The following FOXP2 variants were observed in gnomAD, a reference collection of about 807,000 sequenced individuals.
FOXP2 encodes forkhead box protein P2.
FOXP2 carries 12 observed loss-of-function variants against 115.8 expected under a neutral mutation model. The observed-to-expected ratio is 0.10, with a 90% CI of 0.07 to 0.17. The LOEUF is 0.17. Among genes scored for constraint, FOXP2 ranks in the 10% least tolerant of loss-of-function variants. The pLI, the probability that FOXP2 is intolerant of heterozygous loss-of-function variation, is 1.00. For synonymous variants in FOXP2, 328 were observed against 297.7 expected (o/e 1.10, Z -1.05); for missense variants, 629 against 843.5 (o/e 0.75, Z 3.15).
intron 1 of FOXP2, among the ~76,000 whole-genome samples, chr7:114,213,997 A>G (rs938148413): frequency 2.0e-5 from 3 of 152,222 alleles, no homozygotes; most frequent in South Asian, 2.1e-4. Flanking sequence ...AAGTGAGAGC[A>G]TAGGATACTA....
intron 16 of FOXP2, among the ~76,000 whole-genome samples, chr7:114,680,466 C>T (rs1404019910): frequency 6.6e-6 from 1 of 152,098 alleles, no homozygotes; most frequent in Non-Finnish European, 1.5e-5. Flanking sequence ...AAACTGCTAC[C>T]GAAATAGACA....
At chr7:114,522,420 ACAAGCAAGAATCCTTCCT>A in intron 2 of FOXP2, among the ~76,000 whole-genome samples, 1 of 152,160 alleles carries the variant, frequency 6.6e-6, no homozygotes. Flanking sequence ...GTCATTTCCT[ACAAGCAAGAATCCTTCCT>A]TGGTCTTCCA....
intron 3 of FOXP2, among the ~76,000 whole-genome samples, chr7:114,589,949 A>G (rs74646275): frequency 0.015 from 2,313 of 152,140 alleles, 121 homozygotes; most frequent in Admixed American, 0.092. Context: ...TATTGTTTTA[A>G]AAACAGAGAG....
intron 2 of FOXP2, among the ~76,000 whole-genome samples, chr7:114,311,064 A>C (rs1240126722): frequency 6.6e-6 from 1 of 152,116 alleles, no homozygotes; most frequent in Non-Finnish European, 1.5e-5. Flanking sequence ...GAAGTTGCGG[A>C]TCACCAGTTT....
chr7:114,471,049 C>G lies in FOXP2; in HGVS notation c.168+44370C>G, dbSNP rs921838389. Among the ~76,000 whole-genome samples the G allele has an allele frequency of 6.6e-5, 10 of 152,170 alleles. No individual in the cohort carries two copies. The South Asian group carries it at 8.3e-4, about 13-fold the overall frequency. On this transcript the variant is annotated intron_variant, in intron 2 of 16. Transcript: ENST00000350908. ...CTGTCTGTATTAACTACCCATTCTT[C>G]TGCATTCCTACGTTTTTACTTGTTG...
intron 2 of FOXP2, among the ~76,000 whole-genome samples, chr7:114,332,112 ACGTG>A (rs936833925): frequency 6.6e-6 from 1 of 150,884 alleles, no homozygotes; most frequent in Admixed American, 6.6e-5. Flanking sequence ...GGGCATATGA[ACGTG>A]TGTGTGTGTG....
chr7:114,317,692 A>G (rs1319363615), intron 2 of FOXP2, among the ~76,000 whole-genome samples: 1 of 152,014 alleles, frequency 6.6e-6, no homozygotes, highest in Non-Finnish European at 1.5e-5. Context: ...CATCATTTAA[A>G]ACCCTCCATC....
At position 114,577,324 on chromosome 7, in the gene FOXP2, A is replaced by T. The variant is rs115441652; in HGVS notation, c.258+42618A>T. ...ACTTAAACCTGAAGCTACATGCTGT[A>T]CTTTAACAATGGCGTTCAGAAAGCC... On this transcript the variant is annotated intron_variant, in intron 3 of 16. Transcript: ENST00000350908. Among the ~76,000 whole-genome samples, 1,035 of 152,056 alleles carry T rather than the reference A, an allele frequency of 6.8e-3. 12 individuals are homozygous for T. Among genetic ancestry groups the T allele is most frequent in the African/African-American group, 0.024 (1,002 of 41,534 alleles).
intron 3 of FOXP2, among the ~76,000 whole-genome samples, chr7:114,556,949 A>G (rs1800493910): frequency 6.6e-6 from 1 of 152,234 alleles, no homozygotes; most frequent in South Asian, 2.1e-4. Flanking sequence ...TAAATGCTAT[A>G]TAATACATCT....
intron 2 of FOXP2, among the ~76,000 whole-genome samples, chr7:114,390,522 G>GTATTTATTTATGTATTTATT (rs1554382698): frequency 2.0e-5 from 3 of 148,264 alleles, no homozygotes; most frequent in Non-Finnish European, 4.5e-5. Context: ...TTTTATTTAT[G>GTATTTATTTATGTATTTATT]TATTTATTTA....
At chr7:114,626,901 A>C (rs1372728119) in intron 3 of FOXP2, among the ~76,000 whole-genome samples, 1 of 151,850 alleles carries the variant, frequency 6.6e-6, no homozygotes, top group Non-Finnish European at 1.5e-5. Context: ...TATTATAATA[A>C]ATTCAAATTC....
intron 3 of FOXP2, among the ~76,000 whole-genome samples, chr7:114,616,552 C>G (rs1274423908): frequency 6.6e-6 from 1 of 152,092 alleles, no homozygotes; most frequent in Admixed American, 6.6e-5. Flanking sequence ...CCATTATCAC[C>G]TTAATTCTTA....
chr7:114,574,818 A>G (rs1258763673), intron 3 of FOXP2, among the ~76,000 whole-genome samples: 1 of 151,906 alleles, frequency 6.6e-6, no homozygotes, highest in Non-Finnish European at 1.5e-5. Context: ...ATTGAGCCAG[A>G]TGAATCTTTT....
intron 4 of FOXP2, 49 bp from the exon 5 acceptor site, chr7:114,629,756 T>C: frequency 6.2e-7 from 1 of 1,612,308 alleles, no homozygotes; most frequent in Non-Finnish European, 8.5e-7. Context: ...AGATTTATAA[T>C]ACGTGAAACT....
intron 2 of FOXP2, among the ~76,000 whole-genome samples, chr7:114,472,477 C>T (rs1732984181): frequency 6.6e-6 from 1 of 151,762 alleles, no homozygotes; most frequent in African/African-American, 2.4e-5. Context: ...TCCTGAGTAG[C>T]TGGGACTACA....
At chr7:114,526,930 A>G (rs112965225) in intron 2 of FOXP2, among the ~76,000 whole-genome samples, 14 of 151,432 alleles carry the variant, frequency 9.2e-5, no homozygotes, top group African/African-American at 2.4e-4. Flanking sequence ...AAGAAACCCC[A>G]TTCTCATTAG....
intron 2 of FOXP2, among the ~76,000 whole-genome samples, chr7:114,441,135 A>G (rs997397411): frequency 5.3e-5 from 8 of 152,124 alleles, no homozygotes; most frequent in African/African-American, 1.9e-4. Flanking sequence ...TAATGGTTAC[A>G]ATGATGATCA....
At chr7:114,112,950 G>A (rs1032784741) in intron 1 of FOXP2, among the ~76,000 whole-genome samples, 3 of 152,052 alleles carry the variant, frequency 2.0e-5, no homozygotes, top group Admixed American at 2.0e-4. Context: ...AAAAACAGAA[G>A]GAAACAGTAC....
intron 3 of FOXP2, among the ~76,000 whole-genome samples, chr7:114,574,212 T>C (rs1801462845): frequency 6.6e-6 from 1 of 151,860 alleles, no homozygotes; most frequent in Non-Finnish European, 1.5e-5. Flanking sequence ...TTTGAAGAAA[T>C]ATTTGGGCTC....
Sources: gnomAD v4.1 joint callset for allele counts (sites outside exome capture counted in the v4.1 genomes callset) on GRCh38, gnomAD v4.1.1 for gene constraint, MANE v1.5 for transcripts, NCBI Gene and HGNC (gene_info 2026-07-23, HGNC 2026-07-21) for gene names.